Variants in TMEM135 observed in about 807,000 individuals in gnomAD.
TMEM135 encodes the protein transmembrane protein 135.
A neutral mutation model predicts 60.3 loss-of-function variants in TMEM135; 30 were observed. That is an observed-to-expected ratio of 0.50 (90% CI 0.37 to 0.68). TMEM135 has a LOEUF of 0.68. TMEM135 is among the 30% of genes least tolerant of loss of function. The pLI is 0.00. For missense variants in TMEM135, 468 were observed against 548.8 expected (o/e 0.85, Z 1.47); for synonymous variants, 190 against 186.7 (o/e 1.02, Z -0.14).
At chr11:87,292,740 T>C (rs1255358779) in intron 6 of TMEM135, among the ~76,000 whole-genome samples, 1 of 152,224 alleles carries the variant, frequency 6.6e-6, no homozygotes, top group Admixed American at 6.5e-5. Flanking sequence ...TACACATGAA[T>C]GGAAAGAAGA....
In TMEM135 at chr11:87,327,118, C is replaced by G; in HGVS notation, c.*5785C>G. 4.4e-6 allele frequency: 2 copies of G among 453,942 alleles called. No homozygotes were observed. Among genetic ancestry groups the G allele is most frequent in the Non-Finnish European group, 8.8e-6 (2 of 226,764 alleles). The allele number at this position is 453,942 out of a possible 1,614,324, so 28.1% of individuals were successfully genotyped here. On this transcript the variant is annotated 3_prime_UTR_variant, in exon 15 of 15. Transcript: ENST00000305494. ...TTTCATGTCTTTCCTTTCTTCTTGT[C>G]CAGATACTTTTCCAACCAGCCTTTA...
At chr11:87,108,793 T>C (rs1243830083) in intron 4 of TMEM135, among the ~76,000 whole-genome samples, 1 of 152,208 alleles carries the variant, frequency 6.6e-6, no homozygotes, top group Non-Finnish European at 1.5e-5. Flanking sequence ...TAAAGACTTG[T>C]ATACAAATAT....
Position 87,282,108 on chromosome 11 carries a change from A to G in TMEM135, c.510-13674A>G, listed in dbSNP as rs79382301. Among the ~76,000 whole-genome samples, 529 of 152,266 alleles carry G rather than the reference A, an allele frequency of 3.5e-3. 1 individual carries two copies. The highest frequency in any genetic ancestry group is 6.0e-3 in the Non-Finnish European group (408 of 68,020). ...TGAATTCAGGAGGTCTGGAGTGGGG[A>G]CCAAGAATTATATTTCTAAAGTGAA... On this transcript the variant is annotated intron_variant, in intron 6 of 14. Transcript: ENST00000305494.
chr11:87,134,377 T>C (rs1415754565), intron 4 of TMEM135, among the ~76,000 whole-genome samples: 2 of 152,190 alleles, frequency 1.3e-5, no homozygotes, highest in Admixed American at 6.5e-5. Context: ...TTCTGAGATA[T>C]TGGGGGTTAG....
Position 87,157,378 on chromosome 11 carries a change from G to A in TMEM135, c.434G>A (p.Gly145Glu). 1 of 1,612,998 alleles carries A rather than the reference G, an allele frequency of 6.2e-7. No individual in the cohort carries two copies. The highest frequency in any genetic ancestry group is 8.5e-7 in the Non-Finnish European group (1 of 1,179,546). Residue 145 changes from glycine to glutamate, a missense_variant, in exon 5 of 15, where the codon GGA (glycine) becomes GAA (glutamate). Physicochemically the swap from Gly to Glu is moderately conservative, Grantham distance 98 (BLOSUM62 -2). Coordinates refer to ENST00000305494, the MANE Select transcript of TMEM135 (RefSeq NM_022918.4). ...ETLFRMGVARGTITTLRNGEV... is the reference protein window; with the variant it reads ...ETLFRMGVARETITTLRNGEV... ...CTATTCAGAATGGGTGTAGCAAGAG[G>A]AACCATCACAACATTAAGAAATGGA... is the stretch of plus-strand genomic sequence containing the variant.
At chr11:87,235,445 G>C (rs1400055440) in intron 5 of TMEM135, among the ~76,000 whole-genome samples, 1 of 151,808 alleles carries the variant, frequency 6.6e-6, no homozygotes, top group Non-Finnish European at 1.5e-5. Context: ...AGTCATTCAG[G>C]CTGTATGTAT....
chr11:87,285,626 C>T (rs1278778453), intron 6 of TMEM135, among the ~76,000 whole-genome samples: 3 of 152,120 alleles, frequency 2.0e-5, no homozygotes, highest in Non-Finnish European at 2.9e-5. Flanking sequence ...CAGACCTTTG[C>T]AGTAAGTGTC....
intron 1 of TMEM135, among the ~76,000 whole-genome samples, chr11:87,056,665 A>G (rs757827286): frequency 2.6e-5 from 4 of 152,126 alleles, no homozygotes; most frequent in Non-Finnish European, 5.9e-5. Context: ...ACAAATAGTG[A>G]GGCAGTTGTT....
chr11:87,263,163 A>T (rs539172233), intron 6 of TMEM135, among the ~76,000 whole-genome samples: 3 of 152,182 alleles, frequency 2.0e-5, no homozygotes, highest in Non-Finnish European at 2.9e-5. Flanking sequence ...ATGTGGTCCT[A>T]TTTGGAGTAG....
intron 5 of TMEM135, among the ~76,000 whole-genome samples, chr11:87,176,723 G>C (rs773545528): frequency 6.6e-6 from 1 of 152,184 alleles, no homozygotes; most frequent in Non-Finnish European, 1.5e-5. Context: ...GATTTTCACT[G>C]TAGTGGTTTT....
intron 5 of TMEM135, among the ~76,000 whole-genome samples, chr11:87,188,272 T>A (rs1286666749): frequency 1.3e-5 from 2 of 152,218 alleles, no homozygotes; most frequent in Non-Finnish European, 2.9e-5. Context: ...TCTAGGTTAA[T>A]TGAATTGAGC....
chr11:87,302,512 G>T, intron 8 of TMEM135, 70 bp downstream of exon 8: 1 of 1,595,490 alleles, frequency 6.3e-7, no homozygotes, highest in Non-Finnish European at 8.6e-7. Flanking sequence ...CCATGCCAAG[G>T]TTATTTTTGT....
At chr11:87,187,360 C>A (rs374210131) in intron 5 of TMEM135, among the ~76,000 whole-genome samples, 1 of 152,240 alleles carries the variant, frequency 6.6e-6, no homozygotes, top group East Asian at 1.9e-4. Context: ...TTAATGTGTT[C>A]ATGTGAGATG....
intron 8 of TMEM135, among the ~76,000 whole-genome samples, chr11:87,302,781 G>A (rs1296281008): frequency 7.9e-5 from 12 of 152,132 alleles, no homozygotes; most frequent in African/African-American, 1.2e-4. Context: ...AAAGAAGGAA[G>A]CAAAATTCCT....
intron 2 of TMEM135, among the ~76,000 whole-genome samples, chr11:87,069,520 T>G (rs1337411609): frequency 2.0e-5 from 3 of 152,084 alleles, no homozygotes; most frequent in African/African-American, 7.2e-5. Flanking sequence ...ATTGGGTAGA[T>G]GAGATGCTGT....
chr11:87,281,618 T>G (rs1942061716), intron 6 of TMEM135, among the ~76,000 whole-genome samples: 1 of 152,242 alleles, frequency 6.6e-6, no homozygotes, highest in East Asian at 1.9e-4. Flanking sequence ...ACTTGGCGTG[T>G]ATGGTAGACT....
At chr11:87,315,999 G>C (rs1942722096) in intron 12 of TMEM135, among the ~76,000 whole-genome samples, 1 of 151,788 alleles carries the variant, frequency 6.6e-6, no homozygotes, top group East Asian at 1.9e-4. Flanking sequence ...GACATTTTCT[G>C]CCTCAGATGT....
At chr11:87,246,081 T>C (rs1269237267) in intron 6 of TMEM135, among the ~76,000 whole-genome samples, 1 of 141,920 alleles carries the variant, frequency 7.0e-6, no homozygotes, top group Non-Finnish European at 1.5e-5. Flanking sequence ...TGCTTGTCTG[T>C]AAAGTATTTT....
At chr11:87,152,948 G>A (rs1300932833) in intron 4 of TMEM135, among the ~76,000 whole-genome samples, 1 of 152,064 alleles carries the variant, frequency 6.6e-6, no homozygotes, top group East Asian at 1.9e-4. Flanking sequence ...CATAATATCT[G>A]TTAGGCATCT....
Sources: allele counts gnomAD v4.1 joint callset (sites outside exome capture counted in the v4.1 genomes callset), GRCh38; gene constraint gnomAD v4.1.1; transcripts MANE v1.5; gene names NCBI Gene and HGNC (gene_info 2026-07-23, HGNC 2026-07-21).